Variants in PAK3 observed in about 807,000 individuals in gnomAD.
PAK3 encodes serine/threonine-protein kinase PAK 3.
Under a neutral mutation model 41.0 loss-of-function variants are expected in PAK3, and 4 were observed. The ratio of observed to expected loss-of-function variants is 0.10; its 90% CI spans 0.05 to 0.22. PAK3 has a LOEUF of 0.22. PAK3 is among the 10% of genes least tolerant of loss of function. The pLI, the probability that PAK3 is intolerant of heterozygous loss-of-function variation, is 1.00. For missense variants in PAK3, 205 were observed against 409.9 expected, an observed-to-expected ratio of 0.50 and a Z score of 4.32; for synonymous variants, 146 against 139.6, an observed-to-expected ratio of 1.05 and a Z score of -0.32.
intron 1 of PAK3, among the ~76,000 whole-genome samples, chrX:111,012,861 C>A (rs1434008715): frequency 8.9e-6 from 1 of 111,834 alleles, no homozygotes; most frequent in Non-Finnish European, 1.9e-5. Flanking sequence ...TGGCTCACTG[C>A]AGCCTTCACT....
At chrX:111,116,299 A>C (rs1443662694) in intron 4 of PAK3, among the ~76,000 whole-genome samples, 1 of 111,678 alleles carries the variant, frequency 9.0e-6, no homozygotes, top group Non-Finnish European at 1.9e-5. Flanking sequence ...TTTATGCTTA[A>C]AATATTTCTA....
At chrX:111,000,792 C>A (rs1256188977) in intron 1 of PAK3, among the ~76,000 whole-genome samples, 1 of 111,856 alleles carries the variant, frequency 8.9e-6, no homozygotes, top group East Asian at 2.8e-4. Context: ...ACTAGCCCTG[C>A]CCTCCTGGGG....
At chrX:110,986,797 G>C (rs1012611799) in intron 1 of PAK3, among the ~76,000 whole-genome samples, 1 of 110,469 alleles carries the variant, frequency 9.1e-6, no homozygotes, top group African/African-American at 3.3e-5. Flanking sequence ...GTGTCCATTC[G>C]TGTGTTGCAT....
At chrX:110,993,143 T>C (rs987799714) in intron 1 of PAK3, among the ~76,000 whole-genome samples, 2 of 111,913 alleles carry the variant, frequency 1.8e-5, no homozygotes, top group African/African-American at 6.5e-5. Flanking sequence ...ACTTTGATTA[T>C]GCAATCTAAA....
intron 1 of PAK3, among the ~76,000 whole-genome samples, chrX:110,973,495 T>C (rs1426573333): frequency 8.9e-6 from 1 of 111,780 alleles, no homozygotes; most frequent in Non-Finnish European, 1.9e-5. Flanking sequence ...AATGAAATCC[T>C]TTACAGACAA....
chrX:111,187,644 C>T (rs976963659), intron 11 of PAK3, among the ~76,000 whole-genome samples: 1 of 110,888 alleles, frequency 9.0e-6, no homozygotes, highest in Non-Finnish European at 1.9e-5. Context: ...TATTTATACC[C>T]GTTGAATTTT....
At chrX:111,217,119 C>A (rs142030326) in intron 17 of PAK3, 14,043 of 554,698 alleles carry the variant, frequency 0.025, 169 homozygotes, top group Middle Eastern at 0.066. Context: ...GTACCAAATT[C>A]TTTCAATAAA....
intron 16 of PAK3, among the ~76,000 whole-genome samples, chrX:111,199,614 T>C (rs1180625570): frequency 8.9e-6 from 1 of 112,155 alleles, no homozygotes; most frequent in African/African-American, 3.2e-5. Flanking sequence ...TAATGATTTA[T>C]TGATTAACAA....
chrX:111,167,406 C>G (rs1211782054), intron 10 of PAK3, among the ~76,000 whole-genome samples: 1 of 111,093 alleles, frequency 9.0e-6, no homozygotes, highest in Non-Finnish European at 1.9e-5. Flanking sequence ...CTAAACCATC[C>G]TTACCTTCAG....
intron 1 of PAK3, among the ~76,000 whole-genome samples, chrX:110,947,140 G>A (rs1472196675): frequency 1.8e-5 from 2 of 111,368 alleles, no homozygotes; most frequent in African/African-American, 6.5e-5. Flanking sequence ...TAAGAGTGTG[G>A]GTTCTGAGAA....
intron 1 of PAK3, among the ~76,000 whole-genome samples, chrX:111,087,766 CAAAA>C (rs3066000): frequency 2.7e-4 from 25 of 92,631 alleles, no homozygotes; most frequent in African/African-American, 5.8e-4. Flanking sequence ...AAAAAAAAAA[CAAAA>C]AAAAAAAAAA....
At chrX:111,156,660 A>G (rs1354081566) in intron 8 of PAK3, among the ~76,000 whole-genome samples, 1 of 111,815 alleles carries the variant, frequency 8.9e-6, no homozygotes, top group Non-Finnish European at 1.9e-5. Flanking sequence ...CAAGTTTTGC[A>G]TCCTTTAGTA....
At chrX:111,077,851 AAC>A (rs1275038259) in intron 1 of PAK3, among the ~76,000 whole-genome samples, 3 of 112,022 alleles carry the variant, frequency 2.7e-5, no homozygotes, top group Non-Finnish European at 5.6e-5. Flanking sequence ...CAAGGGAAAC[AAC>A]ACAGTGACGA....
chrX:111,196,854 CTTTTTTTTTTT>C (rs375476309), intron 16 of PAK3, among the ~76,000 whole-genome samples: 1 of 79,238 alleles, frequency 1.3e-5, no homozygotes, highest in Non-Finnish European at 2.5e-5. Context: ...TTCTTTCTTT[CTTTTTTTTTTT>C]TTTTTTTGGA....
intron 1 of PAK3, among the ~76,000 whole-genome samples, chrX:111,057,742 A>G (rs897164580): frequency 9.0e-6 from 1 of 111,547 alleles, no homozygotes; most frequent in Admixed American, 9.6e-5. Flanking sequence ...GGTTTTTAAT[A>G]TATTCACTAG....
intron 1 of PAK3, among the ~76,000 whole-genome samples, chrX:111,035,612 G>A: frequency 8.9e-6 from 1 of 111,897 alleles, no homozygotes; most frequent in East Asian, 2.8e-4. Flanking sequence ...GAGAGAAAGA[G>A]AATAGAAAGA....
chrX:111,080,172 G>T (rs1472517491), intron 1 of PAK3, among the ~76,000 whole-genome samples: 1 of 112,177 alleles, frequency 8.9e-6, no homozygotes, highest in African/African-American at 3.2e-5. Flanking sequence ...TTTTGAAAGA[G>T]TTCTGCTGTG....
chrX:111,195,462 C>G (rs2094604634), intron 14 of PAK3, among the ~76,000 whole-genome samples: 1 of 111,834 alleles, frequency 8.9e-6, no homozygotes, highest in Non-Finnish European at 1.9e-5. Context: ...GGTTTCATGC[C>G]AGAACTTCTG....
chrX:111,160,523 T>G (rs188235816), intron 8 of PAK3, among the ~76,000 whole-genome samples: 1 of 109,724 alleles, frequency 9.1e-6, no homozygotes, highest in Non-Finnish European at 1.9e-5. Flanking sequence ...CGTGCAGGTT[T>G]GTTACATATG....
Sources: gnomAD v4.1 joint callset for allele counts (sites outside exome capture counted in the v4.1 genomes callset) on GRCh38, gnomAD v4.1.1 for gene constraint, MANE v1.5 for transcripts, NCBI Gene and HGNC (gene_info 2026-07-23, HGNC 2026-07-21) for gene names.